The following ST8SIA6 variants were observed in gnomAD, a reference collection of about 807,000 sequenced individuals.
ST8SIA6 encodes the protein ST8 alpha-N-acetyl-neuraminide alpha-2,8-sialyltransferase 6.
ST8SIA6 carries 39 observed loss-of-function variants against 33.6 expected under a neutral mutation model. The ratio of observed to expected loss-of-function variants is 1.16; its 90% CI spans 0.90 to 1.52. The LOEUF (loss-of-function observed/expected upper bound fraction) is 1.52, where lower values mean the gene tolerates loss of function less well. Ranked by LOEUF, ST8SIA6 falls within the 40% of genes most tolerant of loss-of-function variation. ST8SIA6 has a pLI of 0.00. For missense variants in ST8SIA6, 441 were observed against 443.8 expected (o/e 0.99, Z 0.06); for synonymous variants, 172 against 167.2 (o/e 1.03, Z -0.22).
intron 4 of ST8SIA6, among the ~76,000 whole-genome samples, chr10:17,356,148 TTTTG>T (rs1849181631): frequency 6.6e-6 from 1 of 152,212 alleles, no homozygotes; most frequent in African/African-American, 2.4e-5. Flanking sequence ...CATGACACTT[TTTTG>T]TTTACTTTCA....
intron 2 of ST8SIA6, among the ~76,000 whole-genome samples, chr10:17,451,730 T>C (rs1302851306): frequency 6.6e-6 from 1 of 152,128 alleles, no homozygotes; most frequent in Non-Finnish European, 1.5e-5. Flanking sequence ...AAATTACAAT[T>C]TCTCTATACA....
intron 4 of ST8SIA6, among the ~76,000 whole-genome samples, chr10:17,349,110 A>G (rs12762685): frequency 0.099 from 15,102 of 152,202 alleles, 981 homozygotes; most frequent in Middle Eastern, 0.15. Context: ...GATAACCTAG[A>G]AAGTTGAAGT....
At chr10:17,420,072 T>C (rs375906368) in intron 2 of ST8SIA6, among the ~76,000 whole-genome samples, 5 of 152,170 alleles carry the variant, frequency 3.3e-5, no homozygotes, top group Admixed American at 6.5e-5. Context: ...AGTTAACTTT[T>C]AAAAAAAATT....
chr10:17,382,747 T>G (rs111227507), intron 3 of ST8SIA6, among the ~76,000 whole-genome samples: 5,806 of 152,256 alleles, frequency 0.038, 135 homozygotes, highest in African/African-American at 0.062. Context: ...GGCAAGAAAT[T>G]AAAGCTATTC....
chr10:17,400,296 G>T (rs1039334320), intron 2 of ST8SIA6, among the ~76,000 whole-genome samples: 1 of 152,166 alleles, frequency 6.6e-6, no homozygotes. Context: ...ACTTTGGGAG[G>T]CCGAGGTTGG....
At chr10:17,421,246 T>C (rs1564456443) in intron 2 of ST8SIA6, among the ~76,000 whole-genome samples, 1 of 152,232 alleles carries the variant, frequency 6.6e-6, no homozygotes, top group Non-Finnish European at 1.5e-5. Context: ...TGGAACTGGC[T>C]GAGTCCTCTG....
At chr10:17,436,760 T>C (rs776066756) in intron 2 of ST8SIA6, among the ~76,000 whole-genome samples, 10 of 151,952 alleles carry the variant, frequency 6.6e-5, no homozygotes, top group Non-Finnish European at 1.5e-4. Flanking sequence ...ATTTTCTTAA[T>C]CCAGTCTATC....
At chr10:17,333,702 T>TATATATATATAGATATATATATATAG (rs1848390823) in intron 4 of ST8SIA6, among the ~76,000 whole-genome samples, 2 of 28,620 alleles carry the variant, frequency 7.0e-5, no homozygotes, top group Admixed American at 4.5e-4. Flanking sequence ...TATATATATA[T>TATATATATATAGATATATATATATAG]ATATATATAT....
At chr10:17,380,201 AGTTTT>A (rs1470619742) in intron 3 of ST8SIA6, among the ~76,000 whole-genome samples, 1 of 152,154 alleles carries the variant, frequency 6.6e-6, no homozygotes, top group Non-Finnish European at 1.5e-5. Context: ...AGGGAAGATA[AGTTTT>A]GTTTTGTTTG....
chr10:17,446,467 G>A (rs1161770747), intron 2 of ST8SIA6, among the ~76,000 whole-genome samples: 1 of 152,200 alleles, frequency 6.6e-6, no homozygotes, highest in African/African-American at 2.4e-5. Context: ...GATACAGTAA[G>A]GTTCAGGCTG....
chr10:17,450,775 G>A (rs952950304), intron 2 of ST8SIA6, among the ~76,000 whole-genome samples: 1 of 152,180 alleles, frequency 6.6e-6, no homozygotes, highest in Non-Finnish European at 1.5e-5. Context: ...AGATGAGATG[G>A]TAGGAGCAAT....
Position 17,441,786 on chromosome 10 carries a change from C to T in ST8SIA6, c.200+11773G>A, listed in dbSNP as rs532383457. 1.3e-4 allele frequency among the ~76,000 whole-genome samples: 20 copies of T among 152,162 alleles called. No individual in the cohort carries two copies. In the South Asian group the frequency reaches 4.2e-3, roughly 32 times the overall value. ...AATAAAATTACATTTATTAAAAAGA[C>T]TTATCTGAAAGTTCCACATTTGAAA... On this transcript the variant is annotated intron_variant, in intron 2 of 7. Transcript: ENST00000377602.
chr10:17,331,313 A>T, intron 5 of ST8SIA6, 95 bp downstream of exon 5: 1 of 1,421,994 alleles, frequency 7.0e-7, no homozygotes, highest in Non-Finnish European at 9.4e-7. Flanking sequence ...ATGGTATTTT[A>T]ATTGAGTCCA....
Position 17,383,248 on chromosome 10 carries a change from A to G in ST8SIA6, c.290+7283T>C, listed in dbSNP as rs548589334. On this transcript the variant is annotated intron_variant, in intron 3 of 7. Coordinates refer to ENST00000377602, the MANE Select transcript of ST8SIA6 (RefSeq NM_001004470.3). ...GATATATGACAAACTTTCTAAAATC[A>G]AATTATCAATTATGTCTTTTTCTAA... 2.6e-5 allele frequency among the ~76,000 whole-genome samples: 4 copies of G among 152,346 alleles called. No individual in the cohort carries two copies. In the South Asian group the frequency reaches 8.3e-4, roughly 32 times the overall value.
rs953270329 is a variant in ST8SIA6, at chr10:17,333,702, T to G, written c.378-2150A>C. On this transcript the variant is annotated intron_variant, in intron 4 of 7. Coordinates refer to ENST00000377602, the MANE Select transcript of ST8SIA6 (RefSeq NM_001004470.3). ...ATATATATATATATATATATATATATATATATATATATATATTTTTTTTTT... is the reference window on the plus strand; with the variant it reads ...ATATATATATATATATATATATATAGATATATATATATATATTTTTTTTTT... 1.9e-3 allele frequency among the ~76,000 whole-genome samples: 53 copies of G among 28,604 alleles called. 1 individual carries two copies. Among genetic ancestry groups the G allele is most frequent in the South Asian group, 0.012 (13 of 1,052 alleles). The allele number at this position is 28,604 out of a possible 152,430, so 18.8% of individuals were successfully genotyped here.
At chr10:17,418,993 C>CAAAA (rs910044275) in intron 2 of ST8SIA6, among the ~76,000 whole-genome samples, 8,798 of 55,836 alleles carry the variant, frequency 0.16, 1,242 homozygotes, top group East Asian at 0.48. Flanking sequence ...GGCTCCATCT[C>CAAAA]AAAAAAAAAA....
intron 2 of ST8SIA6, 138 bp downstream of exon 2, chr10:17,453,421 A>T: frequency 1.7e-6 from 1 of 583,302 alleles, no homozygotes; most frequent in Non-Finnish European, 2.5e-6. Context: ...CGCCCTCTTC[A>T]AACACACGCA....
intron 4 of ST8SIA6, among the ~76,000 whole-genome samples, chr10:17,346,807 A>G (rs925534203): frequency 5.3e-5 from 8 of 152,208 alleles, no homozygotes; most frequent in Non-Finnish European, 2.9e-5. Flanking sequence ...TCATCTATCT[A>G]TCTATCTTAT....
chr10:17,324,995 AT>A (rs1158057190), intron 6 of ST8SIA6, among the ~76,000 whole-genome samples: 1 of 144,268 alleles, frequency 6.9e-6, no homozygotes, highest in Non-Finnish European at 1.5e-5. Flanking sequence ...ATGTATACAT[AT>A]TATAAATATA....
Sources: gnomAD v4.1 joint callset for allele counts (sites outside exome capture counted in the v4.1 genomes callset) on GRCh38, gnomAD v4.1.1 for gene constraint, MANE v1.5 for transcripts, NCBI Gene and HGNC (gene_info 2026-07-23, HGNC 2026-07-21) for gene names.